RAI14: variants seen among roughly 807,000 people sequenced by gnomAD.
RAI14 encodes the protein retinoic acid induced 14, also known as ankycorbin.
In RAI14, 45 loss-of-function variants were observed where a neutral mutation model predicts 115.4. That is an observed-to-expected ratio of 0.39 (90% CI 0.31 to 0.50). The LOEUF is 0.50. RAI14 is among the 20% of genes least tolerant of loss of function. RAI14 has a pLI of 0.85. For missense variants in RAI14, 939 were observed against 1,131.2 expected (o/e 0.83, Z 2.44); for synonymous variants, 371 against 415.4 (o/e 0.89, Z 1.30).
At chr5:34,759,556 A>G (rs1219750632) in intron 3 of RAI14, among the ~76,000 whole-genome samples, 1 of 152,136 alleles carries the variant, frequency 6.6e-6, no homozygotes. Context: ...TGAGCTCCTT[A>G]TGAGAATCTA....
At chr5:34,743,911 T>C (rs1745845684) in intron 2 of RAI14, among the ~76,000 whole-genome samples, 1 of 152,244 alleles carries the variant, frequency 6.6e-6, no homozygotes, top group African/African-American at 2.4e-5. Flanking sequence ...TTGCCCTTTG[T>C]TAATTCTTTA....
intron 2 of RAI14, among the ~76,000 whole-genome samples, chr5:34,705,045 C>T (rs1740531532): frequency 6.6e-6 from 1 of 152,206 alleles, no homozygotes; most frequent in Non-Finnish European, 1.5e-5. Flanking sequence ...GCTCCCACCT[C>T]ACCTCCTGAG....
chr5:34,790,473 C>T (rs1028455685), intron 3 of RAI14, among the ~76,000 whole-genome samples: 1 of 152,106 alleles, frequency 6.6e-6, no homozygotes, highest in Non-Finnish European at 1.5e-5. Flanking sequence ...TGTGATAACT[C>T]ATTGAGCAAA....
At chr5:34,695,649 A>G (rs1330422506) in intron 2 of RAI14, among the ~76,000 whole-genome samples, 3 of 152,242 alleles carry the variant, frequency 2.0e-5, no homozygotes, top group Non-Finnish European at 4.4e-5. Context: ...TCAGGACATA[A>G]TTGGATTAAA....
At chr5:34,800,886 G>A (rs150467825) in intron 4 of RAI14, among the ~76,000 whole-genome samples, 3 of 152,144 alleles carry the variant, frequency 2.0e-5, no homozygotes, top group African/African-American at 4.8e-5. Flanking sequence ...TTGCGTACAC[G>A]ACATAAACGG....
intron 2 of RAI14, among the ~76,000 whole-genome samples, chr5:34,717,255 A>C (rs1335398634): frequency 6.6e-6 from 1 of 152,254 alleles, no homozygotes; most frequent in Non-Finnish European, 1.5e-5. Context: ...TGCTAAAGTT[A>C]ATGATAATAA....
At chr5:34,665,543 C>T (rs1743142917) in intron 1 of RAI14, among the ~76,000 whole-genome samples, 1 of 149,254 alleles carries the variant, frequency 6.7e-6, no homozygotes, top group Non-Finnish European at 1.5e-5. Context: ...CCAGAGAAAA[C>T]CATCCAGCAG....
chr5:34,701,076 A>G (rs1739999660), intron 2 of RAI14, among the ~76,000 whole-genome samples: 2 of 152,166 alleles, frequency 1.3e-5, no homozygotes, highest in African/African-American at 4.8e-5. Flanking sequence ...TGTAAAGGAC[A>G]CTATTGAGGA....
chr5:34,705,370 TG>T (rs1353593851), intron 2 of RAI14, among the ~76,000 whole-genome samples: 1 of 152,194 alleles, frequency 6.6e-6, no homozygotes, highest in Non-Finnish European at 1.5e-5. Context: ...CATCATATTT[TG>T]CCTATATTGT....
chr5:34,803,892 A>T lies in RAI14; in HGVS notation c.321+116A>T, dbSNP rs571584710. 242 of 884,138 alleles carry T rather than the reference A, an allele frequency of 2.7e-4. 2 individuals are homozygous for T. In the South Asian group the frequency reaches 4.0e-3, roughly 15 times the overall value. 54.8% of individuals were successfully genotyped at this position (884,138 alleles called of 1,614,324 possible). A position where few individuals can be genotyped will look rare whatever the true frequency, so the allele number is the denominator to read the frequency against. ...CACACTCCTTTAAATACTGTCCCCAAACCTGTGTTTCCTAAGAAGCTTCAT... is the reference window on the plus strand; with the variant it reads ...CACACTCCTTTAAATACTGTCCCCATACCTGTGTTTCCTAAGAAGCTTCAT... On this transcript the variant is annotated intron_variant, in intron 5 of 17. Coordinates refer to ENST00000265109, the MANE Select transcript of RAI14 (RefSeq NM_015577.3).
At chr5:34,675,462 T>C (rs534958144) in intron 1 of RAI14, among the ~76,000 whole-genome samples, 2 of 152,272 alleles carry the variant, frequency 1.3e-5, no homozygotes, top group African/African-American at 4.8e-5. Context: ...GTCTTAGAAA[T>C]AGAATCCTGG....
chr5:34,670,189 T>A (rs1372363796), intron 1 of RAI14, among the ~76,000 whole-genome samples: 1 of 152,232 alleles, frequency 6.6e-6, no homozygotes, highest in Non-Finnish European at 1.5e-5. Flanking sequence ...TGAAGGCAAC[T>A]GAATTTTTTC....
chr5:34,780,694 A>G (rs1751504635), intron 3 of RAI14, among the ~76,000 whole-genome samples: 1 of 152,202 alleles, frequency 6.6e-6, no homozygotes, highest in African/African-American at 2.4e-5. Flanking sequence ...CACCAGTTAG[A>G]ATGGCAATCA....
intron 2 of RAI14, among the ~76,000 whole-genome samples, chr5:34,729,649 A>G (rs1370780581): frequency 2.0e-5 from 3 of 152,162 alleles, no homozygotes; most frequent in African/African-American, 7.2e-5. Flanking sequence ...AAACATGTTA[A>G]ATGTCATGGT....
intron 1 of RAI14, among the ~76,000 whole-genome samples, chr5:34,657,445 C>A (rs963104457): frequency 1.3e-5 from 2 of 152,176 alleles, no homozygotes; most frequent in Non-Finnish European, 2.9e-5. Context: ...TGGAGGGGTC[C>A]GAAGTGGCCT....
At chr5:34,705,078 G>A (rs1561258574) in intron 2 of RAI14, among the ~76,000 whole-genome samples, 1 of 152,088 alleles carries the variant, frequency 6.6e-6, no homozygotes, top group Admixed American at 6.6e-5. Flanking sequence ...ATGGACACAT[G>A]CCACCATGCC....
At chr5:34,697,981 G>A (rs1425144750) in intron 2 of RAI14, among the ~76,000 whole-genome samples, 1 of 151,702 alleles carries the variant, frequency 6.6e-6, no homozygotes, top group Non-Finnish European at 1.5e-5. Flanking sequence ...TTGCCATATT[G>A]TCCTTTTGGT....
At chr5:34,772,372 C>G (rs574390719) in intron 3 of RAI14, among the ~76,000 whole-genome samples, 1 of 152,128 alleles carries the variant, frequency 6.6e-6, no homozygotes, top group Non-Finnish European at 1.5e-5. Context: ...TGGTTTTTGC[C>G]ATACTTTTAA....
intron 3 of RAI14, among the ~76,000 whole-genome samples, chr5:34,775,287 T>C (rs1007035047): frequency 2.6e-5 from 4 of 152,180 alleles, no homozygotes; most frequent in Admixed American, 6.5e-5. Context: ...GATAAAAAGC[T>C]TCTGCACAGC....
Sources: allele counts gnomAD v4.1 joint callset (sites outside exome capture counted in the v4.1 genomes callset), GRCh38; gene constraint gnomAD v4.1.1; transcripts MANE v1.5; gene names NCBI Gene and HGNC (gene_info 2026-07-23, HGNC 2026-07-21).